Variants in CACNA2D3 observed in about 807,000 individuals in gnomAD.
CACNA2D3 encodes the protein calcium voltage-gated channel auxiliary subunit alpha2delta 3.
A neutral mutation model predicts 160.6 loss-of-function variants in CACNA2D3; 60 were observed. The observed-to-expected ratio is 0.37, with a 90% CI of 0.30 to 0.46. CACNA2D3 has a LOEUF of 0.46. Among genes scored for constraint, CACNA2D3 ranks in the 20% least tolerant of loss-of-function variants. The pLI, the probability that CACNA2D3 is intolerant of heterozygous loss-of-function variation, is 1.00. For synonymous variants in CACNA2D3, 558 were observed against 492.9 expected (o/e 1.13, Z -1.75); for missense variants, 1,205 against 1,365.0 (o/e 0.88, Z 1.85).
intron 3 of CACNA2D3, among the ~76,000 whole-genome samples, chr3:54,350,021 T>C (rs938046033): frequency 6.6e-6 from 1 of 152,220 alleles, no homozygotes; most frequent in Admixed American, 6.5e-5. Context: ...TGACATTTTA[T>C]GTTCAAAGTA....
intron 12 of CACNA2D3, among the ~76,000 whole-genome samples, chr3:54,760,401 C>T (rs1227952400): frequency 1.3e-5 from 2 of 151,928 alleles, no homozygotes; most frequent in Admixed American, 1.3e-4. Flanking sequence ...GAACAGTGAG[C>T]AAGAGGGAGA....
rs1039524659 is a variant in CACNA2D3 at position 54,455,224 on chromosome 3, G to C, written c.382-48268G>C. On this transcript the variant is annotated intron_variant, in intron 4 of 37. Coordinates refer to ENST00000474759, the MANE Select transcript of CACNA2D3 (RefSeq NM_018398.3). The stretch of plus-strand genomic sequence containing the variant: ...TTACATTCCCACCAACACTGTATAA[G>C]AATTCCCCTTTCTCTGCCTCCTCAC... 1.3e-4 allele frequency among the ~76,000 whole-genome samples: 20 copies of C among 152,194 alleles called. No homozygotes were observed. In the East Asian group the frequency reaches 3.7e-3, roughly 28 times the overall value.
chr3:54,546,114 G>A (rs1457235095), intron 5 of CACNA2D3, among the ~76,000 whole-genome samples: 1 of 152,194 alleles, frequency 6.6e-6, no homozygotes, highest in African/African-American at 2.4e-5. Context: ...CCTATAAGGG[G>A]AAAGGCTGGA....
chr3:54,824,091 A>G (rs1028621711), intron 14 of CACNA2D3, among the ~76,000 whole-genome samples: 1 of 152,264 alleles, frequency 6.6e-6, no homozygotes, highest in Non-Finnish European at 1.5e-5. Context: ...CATAACATGC[A>G]TTGATTCTTG....
chr3:54,368,576 G>A (rs1356365798), intron 3 of CACNA2D3, among the ~76,000 whole-genome samples: 1 of 151,376 alleles, frequency 6.6e-6, no homozygotes, highest in African/African-American at 2.4e-5. Flanking sequence ...GTAAGTCACT[G>A]ATCTTTTCTG....
chr3:54,725,880 C>T (rs541488447), intron 11 of CACNA2D3, among the ~76,000 whole-genome samples: 6 of 152,132 alleles, frequency 3.9e-5, no homozygotes. Context: ...TCTCACCACT[C>T]CTATTCAACA....
intron 4 of CACNA2D3, among the ~76,000 whole-genome samples, chr3:54,500,711 G>A (rs1701281446): frequency 6.6e-6 from 1 of 150,652 alleles, no homozygotes; most frequent in Admixed American, 6.6e-5. Flanking sequence ...TATAAATTAT[G>A]CTTCCTTTTA....
At chr3:54,669,493 T>G (rs1298086461) in intron 11 of CACNA2D3, among the ~76,000 whole-genome samples, 1 of 152,242 alleles carries the variant, frequency 6.6e-6, no homozygotes, top group African/African-American at 2.4e-5. Context: ...AAAATTGAAT[T>G]AAAGAGACTT....
At chr3:54,973,993 C>G (rs1702330199) in intron 29 of CACNA2D3, among the ~76,000 whole-genome samples, 1 of 152,120 alleles carries the variant, frequency 6.6e-6, no homozygotes, top group Non-Finnish European at 1.5e-5. Flanking sequence ...CTCTCTCCCT[C>G]TCTCCCCACA....
intron 2 of CACNA2D3, among the ~76,000 whole-genome samples, chr3:54,207,188 A>G (rs957450295): frequency 2.1e-5 from 3 of 140,528 alleles, no homozygotes; most frequent in East Asian, 2.8e-4. Context: ...AGTGTCTGCC[A>G]CAAGAGCTAA....
chr3:54,226,587 G>A (rs1482878569), intron 2 of CACNA2D3, among the ~76,000 whole-genome samples: 1 of 152,066 alleles, frequency 6.6e-6, no homozygotes, highest in Admixed American at 6.5e-5. Context: ...ACAGGCATGA[G>A]CCACCATGCC....
At chr3:54,528,383 T>C (rs891899958) in intron 5 of CACNA2D3, among the ~76,000 whole-genome samples, 6 of 152,134 alleles carry the variant, frequency 3.9e-5, no homozygotes, top group African/African-American at 1.4e-4. Flanking sequence ...TAACAGTATG[T>C]CATATAATGC....
chr3:54,353,703 G>T (rs1698603645), intron 3 of CACNA2D3, among the ~76,000 whole-genome samples: 1 of 152,146 alleles, frequency 6.6e-6, no homozygotes, highest in Non-Finnish European at 1.5e-5. Context: ...TTGTCTCCCT[G>T]TGGGCTTTAG....
At chr3:54,801,672 A>T (rs1181783748) in intron 13 of CACNA2D3, among the ~76,000 whole-genome samples, 6 of 152,146 alleles carry the variant, frequency 3.9e-5, no homozygotes, top group Admixed American at 6.5e-5. Context: ...CCTATCTTTT[A>T]TATCTAATTT....
chr3:54,455,662 G>A (rs1017041067), intron 4 of CACNA2D3, among the ~76,000 whole-genome samples: 10 of 151,986 alleles, frequency 6.6e-5, no homozygotes, highest in Non-Finnish European at 1.3e-4. Context: ...TCAATGTCCT[G>A]AAGCATTTCT....
At position 54,637,539 on chromosome 3, in the gene CACNA2D3, G is replaced by A. The variant is rs1035279813; in HGVS notation, c.1054-4589G>A. ...TATTGTCTAAGTTGGCACCAGAGTTGGGGAGTTTTAAGAGGTTTAGAAGCC... is the reference window on the plus strand; with the variant it reads ...TATTGTCTAAGTTGGCACCAGAGTTAGGGAGTTTTAAGAGGTTTAGAAGCC... On this transcript the variant is annotated intron_variant, in intron 10 of 37. Coordinates refer to ENST00000474759, the MANE Select transcript of CACNA2D3 (RefSeq NM_018398.3). Among the ~76,000 whole-genome samples, 7 of 151,922 alleles carry A rather than the reference G, an allele frequency of 4.6e-5. 1 individual carries two copies. The highest frequency in any genetic ancestry group is 1.7e-4 in the African/African-American group (7 of 41,222).
intron 3 of CACNA2D3, among the ~76,000 whole-genome samples, chr3:54,352,714 A>C (rs1422664372): frequency 5.3e-5 from 8 of 152,246 alleles, no homozygotes; most frequent in African/African-American, 1.4e-4. Context: ...CACTGTGAGT[A>C]GAAAGGCAGT....
intron 4 of CACNA2D3, among the ~76,000 whole-genome samples, chr3:54,432,116 A>G (rs1390039791): frequency 1.3e-5 from 2 of 152,186 alleles, no homozygotes; most frequent in African/African-American, 2.4e-5. Flanking sequence ...CACGAAAAAA[A>G]TCAAAACTGC....
intron 27 of CACNA2D3, among the ~76,000 whole-genome samples, chr3:54,933,051 C>CCCTCCCTTCCTT: frequency 7.2e-6 from 1 of 139,542 alleles, no homozygotes; most frequent in African/African-American, 2.7e-5. Flanking sequence ...ATCCATCCCT[C>CCCTCCCTTCCTT]CCTTCCTTCC....
Sources: allele counts gnomAD v4.1 joint callset (sites outside exome capture counted in the v4.1 genomes callset), GRCh38; gene constraint gnomAD v4.1.1; transcripts MANE v1.5; gene names NCBI Gene and HGNC (gene_info 2026-07-23, HGNC 2026-07-21).